Variants in DOP1B observed in about 807,000 individuals in gnomAD.
The protein encoded by DOP1B is DOP1 leucine zipper like protein B.
In DOP1B, 174 loss-of-function variants were observed where a neutral mutation model predicts 233.5. The observed-to-expected ratio is 0.75, with a 90% CI of 0.66 to 0.85. DOP1B has a LOEUF of 0.85. Ranked by LOEUF, DOP1B falls within the 40% of genes least tolerant of loss-of-function variation. DOP1B has a pLI of 0.00. For missense variants in DOP1B, 2,652 were observed against 2,846.6 expected (o/e 0.93, Z 1.56); for synonymous variants, 1,190 against 1,185.6 (o/e 1.00, Z -0.08).
chr21:36,288,810 A>C lies in DOP1B; in HGVS notation c.6352A>C (p.Arg2118=). 6.2e-7 allele frequency: 1 copy of C among 1,611,812 alleles called. No homozygotes were observed. The stretch of plus-strand genomic sequence containing the variant: ...TCTAAAAGATGAAGATGAGTCATTG[A>C]GGTAAGCAGTACAAGATCTGTACAC... The part of the protein sequence containing the change: ...EDLKDEDESL[R]STNKVNRTKV... Residue 2118 remains arginine (R), a splice_region_variant and synonymous_variant, in exon 34 of 37, where the codon AGA becomes CGA. Coordinates refer to ENST00000691173, the MANE Select transcript of DOP1B (RefSeq NM_001320714.2).
intron 24 of DOP1B, among the ~76,000 whole-genome samples, chr21:36,262,146 T>G (rs1486876332): frequency 6.6e-6 from 1 of 152,210 alleles, no homozygotes; most frequent in Non-Finnish European, 1.5e-5. Flanking sequence ...TTCAGACCAC[T>G]TCCCTTGTGA....
Position 36,278,232 on chromosome 21 carries a change from G to T in DOP1B, c.5846G>T (p.Arg1949Leu), listed in dbSNP as rs779745458. 1.9e-6 allele frequency: 3 copies of T among 1,613,886 alleles called. No individual in the cohort carries two copies. In the African/African-American group the frequency reaches 4.0e-5, roughly 22 times the overall value. The part of the protein sequence containing the change: ...NHSAYNAPSF[R>L]AGAQLLSSLS... Reference sequence around the variant, plus strand: ...AGTGCCTACAATGCTCCCAGCTTCCGGGCTGGCGCTCAGCTGCTGAGCTCC... The same window carrying T: ...AGTGCCTACAATGCTCCCAGCTTCCTGGCTGGCGCTCAGCTGCTGAGCTCC... Residue 1949 changes from arginine to leucine, a missense_variant, in exon 30 of 37, where the codon CGG becomes CTG. Arg to Leu is a moderately radical substitution (Grantham distance 102). Coordinates refer to ENST00000691173, the MANE Select transcript of DOP1B (RefSeq NM_001320714.2).
intron 2 of DOP1B, among the ~76,000 whole-genome samples, chr21:36,189,498 G>A (rs1367567999): frequency 6.6e-6 from 1 of 152,176 alleles, no homozygotes; most frequent in African/African-American, 2.4e-5. Flanking sequence ...ACTTTGGGAG[G>A]CCAAGACGGT....
intron 36 of DOP1B, 143 bp downstream of exon 36, chr21:36,292,376 C>T: frequency 1.5e-6 from 1 of 646,820 alleles, no homozygotes; most frequent in Non-Finnish European, 2.5e-6. Context: ...CCTGCCTCAG[C>T]TTCCGGAGTA....
In DOP1B at chr21:36,214,490, G is replaced by A. The variant is rs1010798936; in HGVS notation, c.1063G>A (p.Glu355Lys). 3.7e-6 allele frequency: 6 copies of A among 1,613,746 alleles called. No individual in the cohort carries two copies. The highest frequency in any genetic ancestry group is 5.1e-6 in the Non-Finnish European group (6 of 1,179,992). Residue 355 changes from glutamate (E) to lysine (K), a missense_variant, in exon 9 of 37, where the codon GAA becomes AAA. Transcript: ENST00000691173. ...HQKFIDADVEERHHAYLKPFR... is the reference protein window; with the variant it reads ...HQKFIDADVEKRHHAYLKPFR... Reference sequence around the variant, plus strand: ...GAAGTTCATAGATGCTGACGTGGAGGAACGCCATCATGCATACCTGAAGCC... The same window carrying A: ...GAAGTTCATAGATGCTGACGTGGAGAAACGCCATCATGCATACCTGAAGCC...
intron 24 of DOP1B, chr21:36,261,139 C>T (rs1333939005): frequency 4.8e-5 from 47 of 969,616 alleles, no homozygotes; most frequent in Admixed American, 6.1e-5. Context: ...TGGAGGCAGG[C>T]GGATCACTTG....
chr21:36,158,558 C>A (rs1229187330), intron 1 of DOP1B, among the ~76,000 whole-genome samples: 2 of 152,056 alleles, frequency 1.3e-5, no homozygotes, highest in African/African-American at 2.4e-5. Flanking sequence ...GTAATCCCAG[C>A]ACTTTGGGAA....
intron 2 of DOP1B, among the ~76,000 whole-genome samples, chr21:36,182,317 G>A (rs1424150999): frequency 3.3e-5 from 5 of 152,188 alleles, no homozygotes; most frequent in East Asian, 3.9e-4. Flanking sequence ...GTGGTGATGC[G>A]CTGCAGGGTG....
rs548475661 is a variant in DOP1B at position 36,160,418 on chromosome 21, A to T, written c.-27+3475A>T. Among the ~76,000 whole-genome samples the T allele has an allele frequency of 9.2e-5, 14 of 151,574 alleles. No homozygotes were observed. In the East Asian group the frequency reaches 2.5e-3, roughly 27 times the overall value. ...CGTCTTGGGGTTGGAGGGTGCAGTG[A>T]CAAGTGGGTAGAGTCTTGTAAGCTG... On this transcript the variant is annotated intron_variant, in intron 1 of 36. Transcript: ENST00000691173.
intron 2 of DOP1B, among the ~76,000 whole-genome samples, chr21:36,187,760 A>G (rs1334971304): frequency 6.6e-6 from 1 of 151,966 alleles, no homozygotes; most frequent in Non-Finnish European, 1.5e-5. Flanking sequence ...GGTGCACATC[A>G]CATGCCCAGC....
intron 1 of DOP1B, 97 bp from the exon 2 acceptor site, chr21:36,164,611 T>G: frequency 1.1e-6 from 1 of 937,554 alleles, no homozygotes. Context: ...TGTGCACAGT[T>G]GTGTTTGTGG....
chr21:36,284,141 G>C (rs2067452694), intron 32 of DOP1B, among the ~76,000 whole-genome samples: 1 of 150,886 alleles, frequency 6.6e-6, no homozygotes, highest in South Asian at 2.1e-4. Flanking sequence ...GTAGAGATGG[G>C]GTTTCGCCAT....
intron 3 of DOP1B, among the ~76,000 whole-genome samples, 158 bp downstream of exon 3, chr21:36,199,409 C>A (rs980105918): frequency 1.3e-5 from 2 of 152,090 alleles, no homozygotes; most frequent in African/African-American, 4.8e-5. Context: ...TGGGCGCCTT[C>A]TGGAGTCTAT....
In DOP1B at chr21:36,199,231, C is replaced by T; in HGVS notation, c.300C>T (p.Ala100=). The change falls in exon 3 of 37, where the codon GCC becomes GCT. Residue 100 remains alanine (A), a synonymous_variant. Coordinates refer to ENST00000691173, the MANE Select transcript of DOP1B (RefSeq NM_001320714.2). ...AAATCGTGGGGACCAAATGGCTGGCCAAGGACTTGTTTCTGTACAGGTGCG... is the reference window on the plus strand; with the variant it reads ...AAATCGTGGGGACCAAATGGCTGGCTAAGGACTTGTTTCTGTACAGGTGCG... ...IFKIVGTKWL[A]KDLFLYSCGL... 1.2e-6 allele frequency: 2 copies of T among 1,613,920 alleles called. No individual in the cohort carries two copies. Among genetic ancestry groups the T allele is most frequent in the Middle Eastern group, 1.6e-4 (1 of 6,062 alleles).
rs547242821 is a variant in DOP1B, at chr21:36,179,892, G to T, written c.138+15021G>T. Among the ~76,000 whole-genome samples, 501 of 152,272 alleles carry T rather than the reference G, an allele frequency of 3.3e-3. 1 individual carries two copies. The highest frequency in any genetic ancestry group is 4.7e-3 in the Non-Finnish European group (319 of 68,026). ...GTGGCTATTTTTGTTAAGATAAATT[G>T]CTAGAGGTGGAGTAGCTGGGTCAGT... is the stretch of plus-strand genomic sequence containing the variant. On this transcript the variant is annotated intron_variant, in intron 2 of 36. Transcript: ENST00000691173.
At position 36,270,923 on chromosome 21, in the gene DOP1B, AAAAG is replaced by A. The variant is rs990312067; in HGVS notation, c.5632+779_5632+782del. Among the ~76,000 whole-genome samples, 79 of 151,350 alleles carry A rather than the reference AAAAG, an allele frequency of 5.2e-4. 1 individual carries two copies. The highest frequency in any genetic ancestry group is 2.1e-3 in the East Asian group (11 of 5,176). ...GTGAGACTACACCTCAAAAAAAAAA[AAAAG>A]AAAGAAAGAAAGTACCTGAGGTGAT... On this transcript the variant is annotated intron_variant, in intron 27 of 36. Coordinates refer to ENST00000691173, the MANE Select transcript of DOP1B (RefSeq NM_001320714.2).
At position 36,214,144 on chromosome 21, in the gene DOP1B, A is replaced by G. The variant is rs1235566018; in HGVS notation, c.968A>G (p.Gln323Arg). Residue 323 changes from glutamine (Q) to arginine (R), a missense_variant, in exon 8 of 37, where the codon CAG (glutamine) becomes CGG (arginine). Coordinates refer to ENST00000691173, the MANE Select transcript of DOP1B (RefSeq NM_001320714.2). ...ESEISNSYED[Q>R]SSYFFEKYSK... ...GAAATCTCAAATTCTTATGAAGACCAGTCGTCTTATTTTTTTGAAAAATAC... is the reference window on the plus strand; with the variant it reads ...GAAATCTCAAATTCTTATGAAGACCGGTCGTCTTATTTTTTTGAAAAATAC... 2 of 1,613,994 alleles carry G rather than the reference A, an allele frequency of 1.2e-6. No homozygotes were observed. The highest frequency in any genetic ancestry group is 2.2e-5 in the East Asian group (1 of 44,876).
chr21:36,230,733 C>G lies in DOP1B; in HGVS notation c.1949C>G (p.Ser650Ter). 6.2e-7 allele frequency: 1 copy of G among 1,614,156 alleles called. No individual in the cohort carries two copies. The highest frequency in any genetic ancestry group is 8.5e-7 in the Non-Finnish European group (1 of 1,180,048). Residue 650 changes from serine (S) to a stop codon, truncating the protein, a stop_gained, in exon 14 of 37, where the codon TCA (serine) becomes TGA (stop). Transcript: ENST00000691173. LOFTEE classifies it high-confidence loss of function. ...ATTTTTGGAGTACAGCTGACAGCGT[C>G]AGGAGAAGAAAGCAAGTCCGAGGAG... ...KNIFGVQLTA[S>*]GEESKSEEPA...
At chr21:36,273,864 A>C (rs2067319151) in intron 27 of DOP1B, among the ~76,000 whole-genome samples, 1 of 152,108 alleles carries the variant, frequency 6.6e-6, no homozygotes. Flanking sequence ...TCACGAGGTC[A>C]GGAGATCGAG....
Sources: gnomAD v4.1 joint callset for allele counts (sites outside exome capture counted in the v4.1 genomes callset) on GRCh38, gnomAD v4.1.1 for gene constraint, MANE v1.5 for transcripts, NCBI Gene and HGNC (gene_info 2026-07-23, HGNC 2026-07-21) for gene names.